The following BTBD9 variants were observed in gnomAD, a reference collection of about 807,000 sequenced individuals.
BTBD9 encodes the protein BTB/POZ domain-containing protein 9.
In BTBD9, 49 loss-of-function variants were observed where a neutral mutation model predicts 64.3. That is an observed-to-expected ratio of 0.76 (90% CI 0.61 to 0.97). The LOEUF is 0.97. BTBD9 is among the 50% of genes least tolerant of loss of function. The pLI, the probability that BTBD9 is intolerant of heterozygous loss-of-function variation, is 0.00. For missense variants in BTBD9, 598 were observed against 762.1 expected, an observed-to-expected ratio of 0.78 and a Z score of 2.53; for synonymous variants, 260 against 274.7, an observed-to-expected ratio of 0.95 and a Z score of 0.53.
chr6:38,610,095 G>A (rs966862897), intron 1 of BTBD9, among the ~76,000 whole-genome samples: 2 of 152,166 alleles, frequency 1.3e-5, no homozygotes, highest in Non-Finnish European at 2.9e-5. Flanking sequence ...TTTTTTAAAT[G>A]TTGTTAGATT....
intron 7 of BTBD9, among the ~76,000 whole-genome samples, chr6:38,314,235 G>A (rs1407529128): frequency 2.0e-5 from 3 of 151,368 alleles, no homozygotes; most frequent in Admixed American, 6.6e-5. Context: ...TCGCTCTGTC[G>A]CCCAGGCTGC....
intron 6 of BTBD9, among the ~76,000 whole-genome samples, chr6:38,418,013 C>A (rs1014620911): frequency 3.9e-4 from 60 of 152,086 alleles, no homozygotes; most frequent in African/African-American, 1.4e-3. Context: ...GGAAAGAAAG[C>A]AGCTGAACAA....
At chr6:38,392,520 T>C (rs1288920758) in intron 6 of BTBD9, among the ~76,000 whole-genome samples, 1 of 145,726 alleles carries the variant, frequency 6.9e-6, no homozygotes, top group Middle Eastern at 3.3e-3. Flanking sequence ...GCGTCTACTA[T>C]ACCAAAGACC....
chr6:38,447,853 T>C (rs1447887375), intron 6 of BTBD9, among the ~76,000 whole-genome samples: 1 of 152,232 alleles, frequency 6.6e-6, no homozygotes, highest in Non-Finnish European at 1.5e-5. Context: ...AGGGTAAAGT[T>C]AAAGAAGCTG....
intron 8 of BTBD9, among the ~76,000 whole-genome samples, chr6:38,276,504 TAAAATAA>T (rs1393481762): frequency 1.3e-5 from 2 of 151,782 alleles, no homozygotes; most frequent in Non-Finnish European, 2.9e-5. Flanking sequence ...ATAATAATAA[TAAAATAA>T]AAAATAAAAA....
intron 9 of BTBD9, among the ~76,000 whole-genome samples, chr6:38,227,976 A>G (rs1763457575): frequency 6.6e-6 from 1 of 152,206 alleles, no homozygotes; most frequent in African/African-American, 2.4e-5. Flanking sequence ...GTTGGGGAGT[A>G]GGGATGAGTA....
At chr6:38,236,639 C>T (rs1235522612) in intron 9 of BTBD9, among the ~76,000 whole-genome samples, 2 of 152,186 alleles carry the variant, frequency 1.3e-5, no homozygotes, top group Admixed American at 6.5e-5. Context: ...AAGAAACATG[C>T]TGGGCTAGAA....
intron 6 of BTBD9, among the ~76,000 whole-genome samples, chr6:38,405,822 T>C (rs1486829031): frequency 6.6e-6 from 1 of 152,200 alleles, no homozygotes; most frequent in African/African-American, 2.4e-5. Flanking sequence ...CTAGTGTTGG[T>C]CTAAATATTC....
intron 6 of BTBD9, among the ~76,000 whole-genome samples, chr6:38,399,258 A>G (rs773340408): frequency 6.6e-6 from 1 of 152,218 alleles, no homozygotes; most frequent in Non-Finnish European, 1.5e-5. Flanking sequence ...ACCTAGATTT[A>G]GAATATTTAG....
rs972045437 is a variant in BTBD9, at chr6:38,204,126, A to C, written c.1563-11529T>G. Among the ~76,000 whole-genome samples the C allele has an allele frequency of 7.2e-5, 11 of 152,160 alleles. 1 individual carries two copies. The highest frequency in any genetic ancestry group is 6.5e-5 in the Admixed American group (1 of 15,272). On this transcript the variant is annotated intron_variant, in intron 9 of 10. Transcript: ENST00000481247. ...GAACCCCTATATACTGCTTGTGGGAATGTTCAAAGGTGTGGCCACTTTGGA... is the reference window on the plus strand; with the variant it reads ...GAACCCCTATATACTGCTTGTGGGACTGTTCAAAGGTGTGGCCACTTTGGA...
intron 9 of BTBD9, among the ~76,000 whole-genome samples, chr6:38,230,026 A>G (rs1037879453): frequency 7.9e-5 from 12 of 152,134 alleles, no homozygotes; most frequent in African/African-American, 2.7e-4. Flanking sequence ...AGTCCATTCT[A>G]CCAGCAATAC....
At position 38,577,683 on chromosome 6, in the gene BTBD9, T is replaced by A; in HGVS notation, c.1071A>T (p.Glu357Asp). The A allele has an allele frequency of 6.2e-7, 1 of 1,610,278 alleles. No individual in the cohort carries two copies. Among genetic ancestry groups the A allele is most frequent in the Non-Finnish European group, 8.5e-7 (1 of 1,179,540 alleles). ...YSYFIEVSMD[E>D]LDWVRVIDHS... ...GATCTATCACTCTGACCCAATCAAGTTCATCCATTGACACTTCAATGAAGT... is the reference window on the plus strand; with the variant it reads ...GATCTATCACTCTGACCCAATCAAGATCATCCATTGACACTTCAATGAAGT... The change falls in exon 6 of 11, where the codon GAA becomes GAT. Residue 357 changes from glutamate (E) to aspartate (D), a missense_variant. By Grantham distance (45) the Glu-to-Asp change is conservative (BLOSUM62 2). Transcript: ENST00000481247.
intron 6 of BTBD9, chr6:38,482,209 C>G (rs1018610334): frequency 6.6e-6 from 1 of 152,180 alleles, no homozygotes; most frequent in Non-Finnish European, 1.5e-5. Context: ...ACGCCCCCAA[C>G]CCCTGCTAAT....
At chr6:38,487,577 CAGAGAGAGAGTCAGCGAG>C (rs1771505626) in intron 6 of BTBD9, among the ~76,000 whole-genome samples, 1 of 110,978 alleles carries the variant, frequency 9.0e-6, no homozygotes, top group Non-Finnish European at 1.8e-5. Flanking sequence ...GCGAGAGAGA[CAGAGAGAGAGTCAGCGAG>C]AGAGAGAGAG....
At chr6:38,217,040 A>G (rs1763028549) in intron 9 of BTBD9, among the ~76,000 whole-genome samples, 1 of 151,760 alleles carries the variant, frequency 6.6e-6, no homozygotes, top group African/African-American at 2.4e-5. Flanking sequence ...CAGGCGCAGT[A>G]GCTCATGCCT....
At chr6:38,359,372 G>C (rs539770189) in intron 6 of BTBD9, among the ~76,000 whole-genome samples, 24 of 152,242 alleles carry the variant, frequency 1.6e-4, no homozygotes, top group Admixed American at 9.8e-4. Flanking sequence ...TCTAACAGAC[G>C]AGAGCATGAA....
intron 4 of BTBD9, chr6:38,588,316 A>G: frequency 9.9e-7 from 1 of 1,012,652 alleles, no homozygotes; most frequent in African/African-American, 1.6e-5. Flanking sequence ...TCCTGCACAA[A>G]TTTATACTAC....
At chr6:38,319,170 T>C (rs1471948500) in intron 7 of BTBD9, among the ~76,000 whole-genome samples, 1 of 152,100 alleles carries the variant, frequency 6.6e-6, no homozygotes, top group Non-Finnish European at 1.5e-5. Context: ...GGTTCCCCTC[T>C]GGACTAGAGT....
At chr6:38,332,991 C>T (rs75080850) in intron 7 of BTBD9, among the ~76,000 whole-genome samples, 220 of 151,960 alleles carry the variant, frequency 1.4e-3, no homozygotes, top group African/African-American at 4.2e-3. Flanking sequence ...GCACATCATC[C>T]TACTGCCTCC....
Sources: gnomAD v4.1 joint callset for allele counts (sites outside exome capture counted in the v4.1 genomes callset) on GRCh38, gnomAD v4.1.1 for gene constraint, MANE v1.5 for transcripts, NCBI Gene and HGNC (gene_info 2026-07-23, HGNC 2026-07-21) for gene names.